Variants in SLCO4A1 observed in about 807,000 individuals in gnomAD.
SLCO4A1 encodes the protein colon organic anion transporter.
A neutral mutation model predicts 64.6 loss-of-function variants in SLCO4A1; 51 were observed. The observed-to-expected ratio is 0.79, with a 90% CI of 0.63 to 1.00. The LOEUF is 1.00. SLCO4A1 is among the 50% of genes least tolerant of loss of function. The pLI is 0.00. For missense variants in SLCO4A1, 919 were observed against 980.5 expected, an observed-to-expected ratio of 0.94 and a Z score of 0.84; for synonymous variants, 471 against 444.9, an observed-to-expected ratio of 1.06 and a Z score of -0.74.
intron 1 of SLCO4A1, 63 bp from the exon 2 acceptor site, chr20:62,656,291 TGTTCC>T: frequency 4.8e-6 from 3 of 621,260 alleles, no homozygotes; most frequent in South Asian, 2.2e-5. Context: ...TGTGCTGGAA[TGTTCC>T]CTCCTGGATG....
At chr20:62,655,022 T>G (rs1197832645) in intron 1 of SLCO4A1, among the ~76,000 whole-genome samples, 2 of 152,220 alleles carry the variant, frequency 1.3e-5, no homozygotes, top group African/African-American at 4.8e-5. Context: ...CCACCCAATG[T>G]CCCTGTTTAA....
At chr20:62,683,560 T>A (rs1987930561) in intron 2 of SLCO4A1, among the ~76,000 whole-genome samples, 1 of 152,184 alleles carries the variant, frequency 6.6e-6, no homozygotes, top group Non-Finnish European at 1.5e-5. Context: ...CAGGGTCCCG[T>A]ACAATATGAG....
intron 9 of SLCO4A1, 107 bp from the exon 10 acceptor site, chr20:62,668,370 G>C (rs558962213): frequency 1.4e-4 from 178 of 1,311,172 alleles, no homozygotes; most frequent in East Asian, 6.9e-4. Context: ...ACTTGGGGGG[G>C]GGTGATGATG....
chr20:62,680,706 C>G (rs1987787411), intron 2 of SLCO4A1, among the ~76,000 whole-genome samples: 1 of 152,164 alleles, frequency 6.6e-6, no homozygotes, highest in South Asian at 2.1e-4. Flanking sequence ...TAAGCCTGCC[C>G]CCCACCCCCT....
downstream of SLCO4A1, among the ~76,000 whole-genome samples, chr20:62,689,599 C>T (rs1186266180): frequency 6.6e-6 from 1 of 152,158 alleles, no homozygotes; most frequent in Non-Finnish European, 1.5e-5. Context: ...CCCAGCACAG[C>T]ACTCACCTGA....
chr20:62,653,345 C>T (rs1049740316), intron 1 of SLCO4A1, among the ~76,000 whole-genome samples: 1 of 152,222 alleles, frequency 6.6e-6, no homozygotes, highest in African/African-American at 2.4e-5. Context: ...AGACGTAAAA[C>T]AAGCCTTGCC....
chr20:62,666,613 C>G (rs1986393894), intron 7 of SLCO4A1, 38 bp downstream of exon 7: 1 of 1,574,054 alleles, frequency 6.4e-7, no homozygotes, highest in Non-Finnish European at 8.7e-7. Context: ...CGTCGGGGCC[C>G]CAAGCACCCG....
chr20:62,679,786 T>C (rs1247769103), intron 2 of SLCO4A1, among the ~76,000 whole-genome samples: 4 of 152,170 alleles, frequency 2.6e-5, no homozygotes, highest in African/African-American at 9.7e-5. Context: ...TGAAAGGACG[T>C]CAGGCCCAGG....
At chr20:62,676,824 A>G (rs1987616713), downstream of SLCO4A1, among the ~76,000 whole-genome samples, 1 of 152,268 alleles carries the variant, frequency 6.6e-6, no homozygotes, top group African/African-American at 2.4e-5. Context: ...ATATGTCCAC[A>G]TAAAGACATG....
At chr20:62,687,017 C>T (rs1279112793), downstream of SLCO4A1, among the ~76,000 whole-genome samples, 1 of 116,698 alleles carries the variant, frequency 8.6e-6, no homozygotes, top group Non-Finnish European at 1.7e-5. Context: ...CCCAAACAGG[C>T]ACAATGGGAA....
downstream of SLCO4A1, among the ~76,000 whole-genome samples, chr20:62,674,422 G>C (rs557311207): frequency 6.6e-6 from 1 of 152,316 alleles, no homozygotes; most frequent in East Asian, 1.9e-4. Flanking sequence ...GGACTGAGCA[G>C]GTGGAAGAGG....
At chr20:62,647,580 C>T (rs1419502918) in intron 1 of SLCO4A1, among the ~76,000 whole-genome samples, 1 of 152,260 alleles carries the variant, frequency 6.6e-6, no homozygotes, top group African/African-American at 2.4e-5. Context: ...GTAGGTCAGC[C>T]AGGCCAGGCC....
chr20:62,656,299 C>T (rs947175642), intron 1 of SLCO4A1, 60 bp from the exon 2 acceptor site: 1 of 648,342 alleles, frequency 1.5e-6, no homozygotes, highest in Non-Finnish European at 2.6e-6. Context: ...AATGTTCCCT[C>T]CTGGATGTGC....
intron 1 of SLCO4A1, among the ~76,000 whole-genome samples, chr20:62,652,440 G>A (rs976533096): frequency 1.3e-5 from 2 of 152,082 alleles, no homozygotes; most frequent in African/African-American, 2.4e-5. Flanking sequence ...GAGCCCTTGC[G>A]CCTCCTCGTC....
rs374537732 is a variant in SLCO4A1 at position 62,666,525 on chromosome 20, G to A, written c.1422G>A (p.Leu474=). ...TGCTGGGCATCCTCGTCTTCTCACT[G>A]CACTGCCCCAGTGTGCCCATGGCGG... The part of the protein sequence containing the change: ...VSLLGILVFS[L]HCPSVPMAGV... Residue 474 remains leucine, a synonymous_variant, in exon 7 of 12, where the codon CTG becomes CTA. Transcript: ENST00000217159. 6.2e-7 allele frequency: 1 copy of A among 1,613,372 alleles called. No homozygotes were observed. The highest frequency in any genetic ancestry group is 1.7e-5 in the Admixed American group (1 of 60,028).
rs1037479149 is a variant in SLCO4A1, at chr20:62,662,400, G to A, written c.1121+1225G>A. On this transcript the variant is annotated intron_variant, in intron 5 of 11. Transcript: ENST00000217159. ...AGCGGCTTAGAGCTGAGGGTCAGGC[G>A]CCCTGTTCCCAGCGTGGCTGTGAGC... Among the ~76,000 whole-genome samples, 8 of 152,148 alleles carry A rather than the reference G, an allele frequency of 5.3e-5. No individual in the cohort carries two copies. The East Asian group carries it at 9.7e-4, about 18-fold the overall frequency.
intron 2 of SLCO4A1, among the ~76,000 whole-genome samples, chr20:62,657,481 G>A (rs1374492765): frequency 2.0e-5 from 3 of 152,242 alleles, no homozygotes; most frequent in South Asian, 2.1e-4. Flanking sequence ...GCTCCAGGCC[G>A]CTGTGCCCGG....
chr20:62,662,150 T>C (rs1026866410), intron 5 of SLCO4A1, among the ~76,000 whole-genome samples: 1 of 152,042 alleles, frequency 6.6e-6, no homozygotes, highest in Non-Finnish European at 1.5e-5. Context: ...GGGCCAAAGG[T>C]GGCCCCTCAG....
chr20:62,661,162 A>G lies in SLCO4A1; in HGVS notation c.1108A>G (p.Arg370Gly). 5 of 1,612,256 alleles carry G rather than the reference A, an allele frequency of 3.1e-6. No homozygotes were observed. The highest frequency in any genetic ancestry group is 4.2e-6 in the Non-Finnish European group (5 of 1,178,868). ...CAACCCGGACTTTGGGAAAACCATC[A>G]GAGACCTGCCTCTGTAAGGACCGGA... is the stretch of plus-strand genomic sequence containing the variant. Reference protein sequence around the residue: ...ASNPDFGKTIRDLPLSIWLLL... With the variant: ...ASNPDFGKTIGDLPLSIWLLL... The change falls in exon 5 of 12, where the codon AGA becomes GGA. Residue 370 changes from arginine to glycine, a missense_variant. By Grantham distance (125) the Arg-to-Gly change is moderately radical. Transcript: ENST00000217159. This position sits in a 1 kb window ranked among gnomAD's most constrained non-coding sequence, Gnocchi z 5.2.
Sources: allele counts gnomAD v4.1 joint callset (sites outside exome capture counted in the v4.1 genomes callset), GRCh38; gene constraint gnomAD v4.1.1; non-coding constraint Gnocchi (gnomAD v3.1); transcripts MANE v1.5; gene names NCBI Gene and HGNC (gene_info 2026-07-23, HGNC 2026-07-21).